The following DNAH9 variants were observed in gnomAD, a reference collection of about 807,000 sequenced individuals.
DNAH9 encodes the protein dynein axonemal heavy chain 9, also known as DNAH9 variant protein.
A neutral mutation model predicts 471.6 loss-of-function variants in DNAH9; 345 were observed. That is an observed-to-expected ratio of 0.73 (90% CI 0.67 to 0.80). The LOEUF (loss-of-function observed/expected upper bound fraction) is 0.80, where lower values mean the gene tolerates loss of function less well. Among genes scored for constraint, DNAH9 ranks in the 30% least tolerant of loss-of-function variants. The probability of loss-of-function intolerance (pLI) is 0.00; values close to 1 mark genes in which losing one functional copy is unlikely to be tolerated. For missense variants in DNAH9, 5,407 were observed against 5,609.2 expected, an observed-to-expected ratio of 0.96 and a Z score of 1.15; for synonymous variants, 2,093 against 2,123.6, an observed-to-expected ratio of 0.99 and a Z score of 0.40.
intron 49 of DNAH9, among the ~76,000 whole-genome samples, chr17:11,837,595 T>G (rs1268666064): frequency 6.6e-6 from 1 of 152,196 alleles, no homozygotes; most frequent in African/African-American, 2.4e-5. Flanking sequence ...CTCTCTCTGC[T>G]CCTACCCATA....
At chr17:11,611,413 C>T (rs2072634422) in intron 3 of DNAH9, among the ~76,000 whole-genome samples, 2 of 152,212 alleles carry the variant, frequency 1.3e-5, no homozygotes, top group Non-Finnish European at 1.5e-5. Context: ...CTTTTTGAGC[C>T]ACCAGATGGT....
chr17:11,603,221 GCAGA>G (rs1268093485), intron 1 of DNAH9, among the ~76,000 whole-genome samples: 2 of 152,122 alleles, frequency 1.3e-5, no homozygotes, highest in Non-Finnish European at 2.9e-5. Context: ...ATGTTTCCCA[GCAGA>G]CATTCTATTT....
At chr17:11,885,638 C>G (rs1972856828) in intron 56 of DNAH9, among the ~76,000 whole-genome samples, 1 of 152,064 alleles carries the variant, frequency 6.6e-6, no homozygotes, top group Non-Finnish European at 1.5e-5. Flanking sequence ...CCAGATATGC[C>G]TGTTCTTTTT....
chr17:11,640,744 G>A (rs946277936), intron 10 of DNAH9, among the ~76,000 whole-genome samples: 8 of 152,270 alleles, frequency 5.3e-5, no homozygotes, highest in Middle Eastern at 3.4e-3. Flanking sequence ...ATGAAGCCCA[G>A]TGTTTCCTCA....
At chr17:11,718,175 C>G (rs1336640117) in intron 26 of DNAH9, among the ~76,000 whole-genome samples, 1 of 152,228 alleles carries the variant, frequency 6.6e-6, no homozygotes, top group Admixed American at 6.5e-5. Flanking sequence ...CTACACCCGG[C>G]CTGACAACAT....
At chr17:11,874,334 G>T (rs943923544) in intron 52 of DNAH9, among the ~76,000 whole-genome samples, 3 of 152,050 alleles carry the variant, frequency 2.0e-5, no homozygotes, top group Non-Finnish European at 4.4e-5. Context: ...CCCTGAAGGG[G>T]CCTAAGAGAG....
At chr17:11,698,548 T>TG (rs1236501586) in intron 22 of DNAH9, among the ~76,000 whole-genome samples, 3 of 151,668 alleles carry the variant, frequency 2.0e-5, no homozygotes, top group African/African-American at 7.3e-5. Context: ...CAAATCAGTG[T>TG]GGGTGGTGTT....
chr17:11,651,372 A>T, intron 13 of DNAH9, 48 bp downstream of exon 13: 1 of 1,564,502 alleles, frequency 6.4e-7, no homozygotes, highest in East Asian at 2.2e-5. Context: ...AGATTCGAGG[A>T]TCTAATAAAG....
rs72813394 is a variant in DNAH9, at chr17:11,831,952, C to T, written c.9247-2686C>T. Among the ~76,000 whole-genome samples the T allele has an allele frequency of 9.2e-3, 1,403 of 152,290 alleles. 9 individuals are homozygous for T. Among genetic ancestry groups the T allele is most frequent in the Middle Eastern group, 0.017 (5 of 294 alleles). On this transcript the variant is annotated intron_variant, in intron 48 of 68. Coordinates refer to ENST00000262442, the MANE Select transcript of DNAH9 (RefSeq NM_001372.4). ...TCAGCACCATTTACTACCATGGTCC[C>T]GATTCAGGGGACCAGCAGGGCTGAG...
chr17:11,894,429 C>T lies in DNAH9; in HGVS notation c.11339C>T (p.Ser3780Phe). Residue 3780 changes from serine to phenylalanine, a missense_variant, in exon 59 of 69, where the codon TCT becomes TTT. Physicochemically the swap from Ser to Phe is radical, Grantham distance 155 (BLOSUM62 -2). Around this residue, in one of 3 missense-constraint regions of DNAH9, gnomAD observed 4,636 missense variants for 4,900.3 expected, o/e 0.95. Transcript: ENST00000262442. ...GTGGAGTTGGATTTCCTGCTTCGAT[C>T]TCCAGTGCAGACGGGCACCGCCAGC... ...NAVELDFLLR[S>F]PVQTGTASPV... 6.2e-7 allele frequency: 1 copy of T among 1,614,200 alleles called. No homozygotes were observed. Among genetic ancestry groups the T allele is most frequent in the African/African-American group, 1.3e-5 (1 of 75,066 alleles).
At chr17:11,698,081 T>C (rs2074507254) in intron 22 of DNAH9, among the ~76,000 whole-genome samples, 1 of 142,682 alleles carries the variant, frequency 7.0e-6, no homozygotes, top group South Asian at 2.1e-4. Flanking sequence ...TGTTACTTTA[T>C]AGCATATATA....
chr17:11,810,599 T>C (rs1164972452), intron 45 of DNAH9, among the ~76,000 whole-genome samples: 2 of 152,102 alleles, frequency 1.3e-5, no homozygotes, highest in Non-Finnish European at 2.9e-5. Flanking sequence ...ATCGTGGAGC[T>C]CTCTTAGTGG....
At chr17:11,965,424 C>T (rs1976618746) in intron 68 of DNAH9, among the ~76,000 whole-genome samples, 1 of 152,188 alleles carries the variant, frequency 6.6e-6, no homozygotes, top group African/African-American at 2.4e-5. Flanking sequence ...AGTGGCCATA[C>T]TTGACAAAGA....
At chr17:11,630,158 G>A (rs1247486806) in intron 7 of DNAH9, 3 of 152,770 alleles carry the variant, frequency 2.0e-5, no homozygotes, top group African/African-American at 7.2e-5. Flanking sequence ...TTGCAGGCCA[G>A]GTGCGGTGGC....
intron 41 of DNAH9, among the ~76,000 whole-genome samples, chr17:11,784,872 A>G (rs539159841): frequency 1.3e-5 from 2 of 149,698 alleles, no homozygotes; most frequent in Admixed American, 6.6e-5. Flanking sequence ...GGCCCAAAAG[A>G]AAGAAAGAAA....
chr17:11,640,283 G>A lies in DNAH9; in HGVS notation c.1800G>A (p.Val600=). 2 of 1,612,700 alleles carry A rather than the reference G, an allele frequency of 1.2e-6. No homozygotes were observed. Among genetic ancestry groups the A allele is most frequent in the South Asian group, 1.1e-5 (1 of 91,004 alleles). The stretch of plus-strand genomic sequence containing the variant: ...CCATGTCTCCAGGGTTCTCCCCGGT[G>A]CACAAGAACATGCCCACCGTGGCTG... ...QEEAELGFSP[V]HKNMPTVAGG... is the part of the protein sequence containing the mutation. Residue 600 remains valine, a synonymous_variant, in exon 10 of 69, where the codon GTG becomes GTA. Transcript: ENST00000262442.
At chr17:11,648,963 T>C (rs924358057) in intron 12 of DNAH9, among the ~76,000 whole-genome samples, 2 of 152,030 alleles carry the variant, frequency 1.3e-5, no homozygotes, top group Admixed American at 6.6e-5. Context: ...CCATCTCTAC[T>C]AAAAATACAA....
intron 38 of DNAH9, among the ~76,000 whole-genome samples, chr17:11,780,530 T>G (rs866929389): frequency 6.6e-6 from 1 of 152,204 alleles, no homozygotes; most frequent in Non-Finnish European, 1.5e-5. Context: ...GTAGAGTACC[T>G]GGCCTTGGGA....
chr17:11,706,600 G>A, intron 26 of DNAH9, among the ~76,000 whole-genome samples: 1 of 152,130 alleles, frequency 6.6e-6, no homozygotes, highest in Admixed American at 6.5e-5. Flanking sequence ...GAAAAGAACT[G>A]GAAAGGCTTC....
Sources: allele counts gnomAD v4.1 joint callset (sites outside exome capture counted in the v4.1 genomes callset), GRCh38; gene constraint gnomAD v4.1.1; regional missense constraint gnomAD v4.1.1; transcripts MANE v1.5; gene names NCBI Gene and HGNC (gene_info 2026-07-23, HGNC 2026-07-21).